PTPRT: variants seen among roughly 807,000 people sequenced by gnomAD.
PTPRT encodes the protein receptor-type tyrosine-protein phosphatase T.
PTPRT carries 56 observed loss-of-function variants against 176.8 expected under a neutral mutation model. That is an observed-to-expected ratio of 0.32 (90% confidence interval 0.26 to 0.40). PTPRT has a LOEUF of 0.40. Ranked by LOEUF, PTPRT falls within the 10% of genes least tolerant of loss-of-function variation. The probability of loss-of-function intolerance (pLI) is 1.00; values close to 1 mark genes in which losing one functional copy is unlikely to be tolerated. For missense variants in PTPRT, 1,540 were observed against 1,908.2 expected (o/e 0.81, Z 3.60); for synonymous variants, 783 against 739.0 (o/e 1.06, Z -0.96).
chr20:42,559,604 C>T (rs1477263805), intron 7 of PTPRT, among the ~76,000 whole-genome samples: 1 of 152,152 alleles, frequency 6.6e-6, no homozygotes, highest in Non-Finnish European at 1.5e-5. Flanking sequence ...GTCTACAGGG[C>T]ACGGCATGAC....
chr20:42,790,080 G>A (rs995497389), intron 3 of PTPRT, among the ~76,000 whole-genome samples: 1 of 152,218 alleles, frequency 6.6e-6, no homozygotes, highest in Non-Finnish European at 1.5e-5. Flanking sequence ...AATGAGCACA[G>A]TGTATCTTAC....
intron 17 of PTPRT, among the ~76,000 whole-genome samples, chr20:42,160,687 C>T (rs1398736235): frequency 1.3e-5 from 2 of 152,210 alleles, no homozygotes; most frequent in Admixed American, 6.5e-5. Context: ...GCTGCCTGTC[C>T]TTTACTGCAG....
chr20:42,962,461 A>C (rs1362983324), intron 1 of PTPRT, among the ~76,000 whole-genome samples: 1 of 152,118 alleles, frequency 6.6e-6, no homozygotes, highest in Non-Finnish European at 1.5e-5. Flanking sequence ...CAAAAAAAAA[A>C]CCTTTAGAAC....
intron 15 of PTPRT, among the ~76,000 whole-genome samples, chr20:42,213,717 A>T (rs2055701160): frequency 6.6e-6 from 1 of 152,216 alleles, no homozygotes; most frequent in Non-Finnish European, 1.5e-5. Context: ...GTGATGAGCC[A>T]TAAGCCAAGG....
chr20:42,427,558 C>T (rs1351809162), intron 9 of PTPRT, among the ~76,000 whole-genome samples: 1 of 152,114 alleles, frequency 6.6e-6, no homozygotes, highest in Non-Finnish European at 1.5e-5. Context: ...CAAGCTCCCT[C>T]CAGCATCTTT....
intron 1 of PTPRT, among the ~76,000 whole-genome samples, chr20:43,008,447 G>T (rs937014651): frequency 4.6e-5 from 7 of 152,134 alleles, no homozygotes; most frequent in African/African-American, 1.7e-4. Flanking sequence ...CAGCACTTTG[G>T]GAGGCCAAGG....
chr20:42,656,449 C>A (rs138134767), intron 7 of PTPRT, among the ~76,000 whole-genome samples: 1 of 152,238 alleles, frequency 6.6e-6, no homozygotes, highest in African/African-American at 2.4e-5. Flanking sequence ...CTCCAAACAC[C>A]AAACCACTTG....
chr20:43,112,463 G>T (rs1036929265), intron 1 of PTPRT, among the ~76,000 whole-genome samples: 1 of 152,070 alleles, frequency 6.6e-6, no homozygotes, highest in East Asian at 1.9e-4. Context: ...TCTGTTGCAT[G>T]TTACGTAATA....
chr20:42,978,729 CG>C (rs1348593393), intron 1 of PTPRT, among the ~76,000 whole-genome samples: 1 of 152,146 alleles, frequency 6.6e-6, no homozygotes, highest in Middle Eastern at 3.2e-3. Context: ...AAGATGGCCA[CG>C]AGAGTGACCT....
chr20:42,104,690 A>G lies in PTPRT; in HGVS notation c.3419T>C (p.Ile1140Thr), dbSNP rs1026387071. 6.3e-7 allele frequency: 1 copy of G among 1,589,526 alleles called. No homozygotes were observed. Among genetic ancestry groups the G allele is most frequent in the African/African-American group, 1.3e-5 (1 of 74,496 alleles). Reference protein sequence around the residue: ...EEQYVFVHDAILEACLCGNTA... With the variant: ...EEQYVFVHDATLEACLCGNTA... ...GTTGCCACAGAGGCACGCTTCCAGGATGGCATCGTGCACAAACACATATTG... is the reference window on the plus strand; with the variant it reads ...GTTGCCACAGAGGCACGCTTCCAGGGTGGCATCGTGCACAAACACATATTG... The change falls in exon 25 of 31, where the codon ATC becomes ACC. Residue 1140 changes from isoleucine to threonine, a missense_variant. Coordinates refer to ENST00000373187, the MANE Select transcript of PTPRT (RefSeq NM_007050.6).
chr20:42,598,521 A>G (rs771571125), intron 7 of PTPRT, among the ~76,000 whole-genome samples: 29 of 152,198 alleles, frequency 1.9e-4, no homozygotes, highest in Non-Finnish European at 3.5e-4. Context: ...TTGTTAGGGA[A>G]GACACAAAAT....
chr20:43,057,765 A>G (rs1322584329), intron 1 of PTPRT, among the ~76,000 whole-genome samples: 1 of 152,240 alleles, frequency 6.6e-6, no homozygotes, highest in Admixed American at 6.5e-5. Context: ...TATGCCTTGT[A>G]CTTCCAGATT....
intron 1 of PTPRT, among the ~76,000 whole-genome samples, chr20:42,973,518 T>G (rs773580127): frequency 6.9e-4 from 105 of 152,172 alleles, no homozygotes; most frequent in Non-Finnish European, 1.3e-3. Flanking sequence ...TTATCTGCAA[T>G]TATTTAATCA....
chr20:42,428,780 C>T (rs778431093), intron 9 of PTPRT, among the ~76,000 whole-genome samples: 1 of 152,172 alleles, frequency 6.6e-6, no homozygotes, highest in Non-Finnish European at 1.5e-5. Flanking sequence ...CCTACACAAG[C>T]CTTGTTCATC....
At chr20:42,284,595 G>T (rs927966980) in intron 12 of PTPRT, among the ~76,000 whole-genome samples, 2 of 151,964 alleles carry the variant, frequency 1.3e-5, no homozygotes, top group Admixed American at 1.3e-4. Flanking sequence ...ATCAGAATCA[G>T]AACTAATTGC....
At chr20:42,713,060 A>G (rs6103005) in intron 6 of PTPRT, among the ~76,000 whole-genome samples, 11,726 of 152,142 alleles carry the variant, frequency 0.077, 499 homozygotes, top group South Asian at 0.16. Flanking sequence ...TATGTAAGAA[A>G]AAGAAGATAA....
chr20:42,063,022 T>C, the PTPRT span, among the ~76,000 whole-genome samples: 190 of 152,306 alleles, frequency 1.2e-3, no homozygotes, highest in African/African-American at 4.4e-3. Flanking sequence ...GCATAAGCCA[T>C]GATGTATTGG....
At chr20:42,447,533 G>A (rs550126979) in intron 9 of PTPRT, among the ~76,000 whole-genome samples, 12 of 152,124 alleles carry the variant, frequency 7.9e-5, no homozygotes, top group Admixed American at 2.0e-4. Flanking sequence ...TGCAATACTT[G>A]AATCTTAGCT....
intron 1 of PTPRT, chr20:42,971,002 G>A (rs1325255247): frequency 6.6e-6 from 1 of 152,188 alleles, no homozygotes; most frequent in Admixed American, 6.5e-5. Flanking sequence ...CCAAACACCA[G>A]GCTGAATAGG....
Sources: allele counts gnomAD v4.1 joint callset (sites outside exome capture counted in the v4.1 genomes callset), GRCh38; gene constraint gnomAD v4.1.1; transcripts MANE v1.5; gene names NCBI Gene and HGNC (gene_info 2026-07-23, HGNC 2026-07-21).